CLYBL: variants seen among roughly 807,000 people sequenced by gnomAD.
The protein encoded by CLYBL is citramalyl-CoA lyase, mitochondrial.
A neutral mutation model predicts 38.9 loss-of-function variants in CLYBL; 31 were observed. The ratio of observed to expected loss-of-function variants is 0.80; its 90% confidence interval spans 0.60 to 1.08. CLYBL has a LOEUF of 1.08. Ranked by LOEUF, CLYBL falls within the 50% of genes least tolerant of loss-of-function variation. The pLI, the probability that CLYBL is intolerant of heterozygous loss-of-function variation, is 0.00. For missense variants in CLYBL, 434 were observed against 411.6 expected (o/e 1.05, Z -0.47); for synonymous variants, 171 against 158.6 (o/e 1.08, Z -0.59).
At chr13:99,711,216 A>G (rs2048225879) in intron 1 of CLYBL, among the ~76,000 whole-genome samples, 1 of 151,926 alleles carries the variant, frequency 6.6e-6, no homozygotes, top group Admixed American at 6.6e-5. Context: ...CTATAACAAA[A>G]TACCATAAAC....
intron 1 of CLYBL, among the ~76,000 whole-genome samples, chr13:99,622,096 C>T (rs2046806264): frequency 1.3e-5 from 2 of 152,234 alleles, no homozygotes; most frequent in South Asian, 4.1e-4. Context: ...CTGAATTCTT[C>T]TCCCCATTGC....
At chr13:99,879,014 T>A (rs2052123908) in intron 7 of CLYBL, among the ~76,000 whole-genome samples, 1 of 152,162 alleles carries the variant, frequency 6.6e-6, no homozygotes, top group Non-Finnish European at 1.5e-5. Context: ...AAGTAGATGA[T>A]TCGGGATGGT....
At chr13:99,881,156 GA>G (rs1444930038) in intron 7 of CLYBL, among the ~76,000 whole-genome samples, 2 of 152,184 alleles carry the variant, frequency 1.3e-5, no homozygotes, top group African/African-American at 2.4e-5. Context: ...TCTTCCGTCT[GA>G]ATTCCATGAT....
intron 1 of CLYBL, among the ~76,000 whole-genome samples, chr13:99,644,454 A>G (rs765871741): frequency 9.9e-5 from 15 of 152,248 alleles, no homozygotes; most frequent in Non-Finnish European, 1.9e-4. Context: ...TAATAATCAC[A>G]TCAAGGTAAA....
intron 2 of CLYBL, among the ~76,000 whole-genome samples, chr13:99,851,514 G>A (rs902203762): frequency 6.6e-6 from 1 of 151,978 alleles, no homozygotes; most frequent in African/African-American, 2.4e-5. Context: ...TTTTTAACGG[G>A]CTAAGGATGT....
rs115654385 is a variant in CLYBL, at chr13:99,882,444, C to T, written c.928-8874C>T. Among the ~76,000 whole-genome samples the T allele has an allele frequency of 2.1e-3, 316 of 152,214 alleles. 2 individuals are homozygous for T. The highest frequency in any genetic ancestry group is 7.3e-3 in the African/African-American group (304 of 41,510). On this transcript the variant is annotated intron_variant, in intron 7 of 8. Transcript: ENST00000339105. The stretch of plus-strand genomic sequence containing the variant: ...CCGCAGCAGGTGAATCACTTGAGAT[C>T]AGGAGATCAAGACCAATCTGGACAA...
intron 2 of CLYBL, among the ~76,000 whole-genome samples, chr13:99,818,872 A>G (rs1352080133): frequency 6.6e-6 from 1 of 152,220 alleles, no homozygotes; most frequent in Non-Finnish European, 1.5e-5. Flanking sequence ...ATAATTATAA[A>G]TGTTAATGAC....
intron 1 of CLYBL, among the ~76,000 whole-genome samples, chr13:99,651,128 C>T (rs1253159448): frequency 1.3e-5 from 2 of 152,248 alleles, no homozygotes; most frequent in Admixed American, 6.5e-5. Context: ...GACACCCTTC[C>T]TCTGCCTTCC....
chr13:99,721,890 A>G (rs2048399020), intron 1 of CLYBL, among the ~76,000 whole-genome samples: 1 of 151,956 alleles, frequency 6.6e-6, no homozygotes, highest in Non-Finnish European at 1.5e-5. Context: ...GGGGCCCTGG[A>G]TTGTGGAGAT....
intron 1 of CLYBL, among the ~76,000 whole-genome samples, chr13:99,722,949 T>C (rs560233086): frequency 5.9e-5 from 9 of 152,396 alleles, no homozygotes; most frequent in African/African-American, 1.2e-4. Context: ...TGATGAGATA[T>C]AGCCGCAGGC....
rs140166235 is a variant in CLYBL at position 99,656,226 on chromosome 13, G to C, written c.62+49469G>C. ...GAGCCAGGATGCGGTGGAGAAATGG[G>C]GTGGAGAACCCCCAGACCTTAGGGT... On this transcript the variant is annotated intron_variant, in intron 1 of 8. Transcript: ENST00000339105. Among the ~76,000 whole-genome samples, 77 of 152,262 alleles carry C rather than the reference G, an allele frequency of 5.1e-4. 1 individual carries two copies. The highest frequency in any genetic ancestry group is 1.8e-3 in the African/African-American group (73 of 41,546).
intron 2 of CLYBL, among the ~76,000 whole-genome samples, chr13:99,819,081 C>G (rs921072023): frequency 2.6e-5 from 4 of 152,000 alleles, no homozygotes; most frequent in Admixed American, 2.6e-4. Flanking sequence ...CGTGGTGGCT[C>G]ACACCTGTAA....
intron 1 of CLYBL, among the ~76,000 whole-genome samples, chr13:99,663,836 TG>T (rs1201148522): frequency 6.6e-6 from 1 of 152,204 alleles, no homozygotes; most frequent in African/African-American, 2.4e-5. Context: ...ATTACGGGCC[TG>T]GCTACCAAAG....
At position 99,887,044 on chromosome 13, in the gene CLYBL, A is replaced by T. The variant is rs529305770; in HGVS notation, c.928-4274A>T. On this transcript the variant is annotated intron_variant, in intron 7 of 8. Transcript: ENST00000339105. The stretch of plus-strand genomic sequence containing the variant: ...TACAAGAGAAAGGCATCATTTACAG[A>T]AGGCTGCAAGAGGACTCTTCAGTTT... Among the ~76,000 whole-genome samples the T allele has an allele frequency of 1.1e-4, 16 of 152,320 alleles. 1 individual carries two copies. The East Asian group carries it at 2.9e-3, about 28-fold the overall frequency.
intron 1 of CLYBL, among the ~76,000 whole-genome samples, chr13:99,760,569 A>G (rs1171074660): frequency 2.0e-5 from 3 of 152,248 alleles, no homozygotes; most frequent in Admixed American, 6.5e-5. Context: ...TTTTCCAGAC[A>G]TAGGATTCCT....
At chr13:99,868,325 T>G (rs1378208460) in intron 6 of CLYBL, among the ~76,000 whole-genome samples, 2 of 152,226 alleles carry the variant, frequency 1.3e-5, no homozygotes, top group Non-Finnish European at 2.9e-5. Context: ...ATGAGTACTT[T>G]AGACCACTCA....
chr13:99,804,910 A>G (rs984760377), intron 2 of CLYBL, among the ~76,000 whole-genome samples: 7 of 152,106 alleles, frequency 4.6e-5, no homozygotes, highest in Admixed American at 1.3e-4. Context: ...CCATTCAACA[A>G]TAACTCCCCA....
chr13:99,818,446 AACACACACACAC>A (rs57249330), intron 2 of CLYBL, among the ~76,000 whole-genome samples: 6,373 of 143,306 alleles, frequency 0.044, 194 homozygotes, highest in Non-Finnish European at 0.059. Context: ...TGGAGCAGAA[AACACACACACAC>A]ACACACACAC....
At chr13:99,736,502 T>C (rs1346209423) in intron 1 of CLYBL, among the ~76,000 whole-genome samples, 3 of 152,026 alleles carry the variant, frequency 2.0e-5, no homozygotes, top group Non-Finnish European at 4.4e-5. Flanking sequence ...ACTGTCTTGG[T>C]ATTTTGAAGA....
Sources: gnomAD v4.1 joint callset for allele counts (sites outside exome capture counted in the v4.1 genomes callset) on GRCh38, gnomAD v4.1.1 for gene constraint, MANE v1.5 for transcripts, NCBI Gene and HGNC (gene_info 2026-07-23, HGNC 2026-07-21) for gene names.